Variants in GSG1L observed in about 807,000 individuals in gnomAD.
The protein encoded by GSG1L is GSG1 like, also known as germ cell-specific gene 1-like protein.
Under a neutral mutation model 42.1 loss-of-function variants are expected in GSG1L, and 24 were observed. The observed-to-expected ratio is 0.57, with a 90% CI of 0.41 to 0.80. The LOEUF is 0.80. GSG1L is among the 30% of genes least tolerant of loss of function. GSG1L has a pLI of 0.00. For missense variants in GSG1L, 445 were observed against 472.2 expected (o/e 0.94, Z 0.53); for synonymous variants, 215 against 203.5 (o/e 1.06, Z -0.48).
At chr16:27,803,766 CATAT>C (rs3047681) in intron 6 of GSG1L, among the ~76,000 whole-genome samples, 27,767 of 117,524 alleles carry the variant, frequency 0.24, 3,055 homozygotes, top group South Asian at 0.37. Context: ...ACAGTGCAGA[CATAT>C]ATATATATAT....
At chr16:27,827,246 C>A (rs990686053) in intron 5 of GSG1L, among the ~76,000 whole-genome samples, 1 of 152,224 alleles carries the variant, frequency 6.6e-6, no homozygotes, top group East Asian at 1.9e-4. Flanking sequence ...TATCCCCTCT[C>A]TCAAGAGGAG....
intron 2 of GSG1L, among the ~76,000 whole-genome samples, chr16:27,912,321 C>A (rs1004287272): frequency 6.6e-6 from 1 of 152,178 alleles, no homozygotes; most frequent in South Asian, 2.1e-4. Flanking sequence ...TGAGACCAAC[C>A]TGGGCAACAT....
intron 5 of GSG1L, among the ~76,000 whole-genome samples, chr16:27,817,587 C>A (rs2083110167): frequency 6.6e-6 from 1 of 152,108 alleles, no homozygotes. Context: ...AATTCATGGG[C>A]TCAAGTGATC....
chr16:28,008,300 G>A (rs947634888), intron 1 of GSG1L, among the ~76,000 whole-genome samples: 3 of 152,066 alleles, frequency 2.0e-5, no homozygotes, highest in Non-Finnish European at 2.9e-5. Context: ...GGCTGGTCTC[G>A]AATTCCTGAC....
At chr16:27,977,538 C>T (rs1430276978) in intron 1 of GSG1L, among the ~76,000 whole-genome samples, 2 of 120,682 alleles carry the variant, frequency 1.7e-5, no homozygotes, top group Non-Finnish European at 3.2e-5. Flanking sequence ...CCAGCCTGGG[C>T]TACGGAGTGA....
At chr16:28,051,234 A>C (rs1381458142) in intron 1 of GSG1L, among the ~76,000 whole-genome samples, 1 of 152,186 alleles carries the variant, frequency 6.6e-6, no homozygotes, top group East Asian at 1.9e-4. Context: ...ACAGGGCATA[A>C]GTCAGAAAAC....
Position 27,948,363 on chromosome 16 carries a change from CTTATT to C in GSG1L, c.397+14788_397+14792del, listed in dbSNP as rs1240144632. ...AAAACAGAAATAAGGTTTTGGTATT[CTTATT>C]CTTATTCTTATTCTTATTACTTTGA... On this transcript the variant is annotated intron_variant, in intron 2 of 6. Transcript: ENST00000447459. 7.3e-4 allele frequency among the ~76,000 whole-genome samples: 5 copies of C among 6,836 alleles called. No homozygotes were observed. In the African/African-American group the frequency reaches 8.0e-3, roughly 11 times the overall value. 4.5% of individuals were successfully genotyped at this position (6,836 alleles called of 152,430 possible).
At chr16:27,971,382 C>T (rs1281735013) in intron 1 of GSG1L, among the ~76,000 whole-genome samples, 1 of 151,424 alleles carries the variant, frequency 6.6e-6, no homozygotes, top group East Asian at 1.9e-4. Context: ...AAATTTATTC[C>T]TAAGTATTTT....
rs1392659562 is a variant in GSG1L at position 27,888,456 on chromosome 16, C to G, written c.398-3818G>C. Among the ~76,000 whole-genome samples, 29 of 18,340 alleles carry G rather than the reference C, an allele frequency of 1.6e-3. 1 individual carries two copies. Among genetic ancestry groups the G allele is most frequent in the Admixed American group, 4.7e-3 (5 of 1,054 alleles). The allele number at this position is 18,340 out of a possible 152,430, so 12.0% of individuals were successfully genotyped here. A position where few individuals can be genotyped will look rare whatever the true frequency, so the allele number is the denominator to read the frequency against. ...TCTTTCTTTCTTTCTTTCTTTCTTT[C>G]TTTCTTTCTCTCTCTCTCTCTCTTT... On this transcript the variant is annotated intron_variant, in intron 2 of 6. Transcript: ENST00000447459.
intron 2 of GSG1L, among the ~76,000 whole-genome samples, chr16:27,942,143 T>A (rs935616335): frequency 7.0e-6 from 1 of 142,168 alleles, no homozygotes; most frequent in South Asian, 2.3e-4. Flanking sequence ...AATTAAAACT[T>A]CTTCTTTTTT....
chr16:27,816,424 G>T (rs1181840110), intron 5 of GSG1L, among the ~76,000 whole-genome samples: 3 of 152,206 alleles, frequency 2.0e-5, no homozygotes, highest in Non-Finnish European at 4.4e-5. Flanking sequence ...GGAGCTAAGT[G>T]TGAGTAGATG....
At chr16:27,940,681 C>T (rs2141082671) in intron 2 of GSG1L, among the ~76,000 whole-genome samples, 1 of 93,810 alleles carries the variant, frequency 1.1e-5, no homozygotes, top group Middle Eastern at 4.5e-3. Flanking sequence ...GGAAGAGGAA[C>T]ATCACACTCT....
At chr16:27,843,157 T>C (rs951654929) in intron 4 of GSG1L, among the ~76,000 whole-genome samples, 1 of 152,160 alleles carries the variant, frequency 6.6e-6, no homozygotes, top group African/African-American at 2.4e-5. Flanking sequence ...ACTGAATGGG[T>C]AAATGCTCCC....
intron 1 of GSG1L, among the ~76,000 whole-genome samples, chr16:27,984,361 G>A (rs181800755): frequency 1.7e-4 from 26 of 152,230 alleles, no homozygotes; most frequent in Middle Eastern, 3.4e-3. Flanking sequence ...GGGGGACATC[G>A]CAGGGTAGCC....
rs552390100 is a variant in GSG1L at position 27,938,659 on chromosome 16, C to T, written c.397+24497G>A. ...CCGCGAGGGACTGAGCTGGCAAAAA[C>T]CTCTAGGAAGAGCAGAAAAGAGCTC... On this transcript the variant is annotated intron_variant, in intron 2 of 6. Coordinates refer to ENST00000447459, the MANE Select transcript of GSG1L (RefSeq NM_001109763.2). Among the ~76,000 whole-genome samples, 38 of 152,244 alleles carry T rather than the reference C, an allele frequency of 2.5e-4. No individual in the cohort carries two copies. The South Asian group carries it at 3.9e-3, about 16-fold the overall frequency.
chr16:27,997,111 TA>T (rs2085523140), intron 1 of GSG1L, among the ~76,000 whole-genome samples: 1 of 152,044 alleles, frequency 6.6e-6, no homozygotes, highest in African/African-American at 2.4e-5. Flanking sequence ...CTCACTAGGC[TA>T]AAATCAAGGT....
chr16:27,946,465 A>T lies in GSG1L; in HGVS notation c.397+16691T>A, dbSNP rs1218984004. 3.3e-5 allele frequency among the ~76,000 whole-genome samples: 5 copies of T among 151,366 alleles called. No individual in the cohort carries two copies. In the East Asian group the frequency reaches 9.7e-4, roughly 29 times the overall value. On this transcript the variant is annotated intron_variant, in intron 2 of 6. Coordinates refer to ENST00000447459, the MANE Select transcript of GSG1L (RefSeq NM_001109763.2). ...GAGGCTGAGGCAAAAGAATCGCTTGAGCCCAGGAGACAGAGGTTGCAGTGA... is the reference window on the plus strand; with the variant it reads ...GAGGCTGAGGCAAAAGAATCGCTTGTGCCCAGGAGACAGAGGTTGCAGTGA...
chr16:27,837,817 G>T (rs1343266961), intron 4 of GSG1L, among the ~76,000 whole-genome samples: 2 of 150,660 alleles, frequency 1.3e-5, no homozygotes, highest in Non-Finnish European at 3.0e-5. Context: ...ACCCTTTCTT[G>T]GTCCTTTGGC....
In GSG1L at chr16:28,040,877, C is replaced by T. The variant is rs1052255105; in HGVS notation, c.349+22199G>A. 3.3e-5 allele frequency among the ~76,000 whole-genome samples: 5 copies of T among 152,352 alleles called. No homozygotes were observed. Among genetic ancestry groups the T allele is most frequent in the African/African-American group, 4.8e-5 (2 of 41,584 alleles). On this transcript the variant is annotated intron_variant, in intron 1 of 6. Coordinates refer to ENST00000447459, the MANE Select transcript of GSG1L (RefSeq NM_001109763.2). The surrounding 1 kb of genome is among the most constrained non-coding windows in gnomAD (Gnocchi z 4.1). ...ATCCCCATCCCAGACCATCTCTCTGCGTTCCGAGGGCCTTATTCAGACCCC... is the reference window on the plus strand; with the variant it reads ...ATCCCCATCCCAGACCATCTCTCTGTGTTCCGAGGGCCTTATTCAGACCCC...
Sources: allele counts gnomAD v4.1 joint callset (sites outside exome capture counted in the v4.1 genomes callset), GRCh38; gene constraint gnomAD v4.1.1; non-coding constraint Gnocchi (gnomAD v3.1); transcripts MANE v1.5; gene names NCBI Gene and HGNC (gene_info 2026-07-23, HGNC 2026-07-21).